The following SIPA1L3 variants were observed in gnomAD, a reference collection of about 807,000 sequenced individuals.
SIPA1L3 encodes signal-induced proliferation-associated 1-like protein 3.
SIPA1L3 carries 59 observed loss-of-function variants against 150.1 expected under a neutral mutation model. That is an observed-to-expected ratio of 0.39 (90% CI 0.32 to 0.49). The LOEUF is 0.49. Ranked by LOEUF, SIPA1L3 falls within the 20% of genes least tolerant of loss-of-function variation. The pLI, the probability that SIPA1L3 is intolerant of heterozygous loss-of-function variation, is 0.86. For missense variants in SIPA1L3, 2,211 were observed against 2,489.5 expected (o/e 0.89, Z 2.38); for synonymous variants, 1,070 against 1,077.6 (o/e 0.99, Z 0.14).
chr19:38,192,333 C>A, intron 17 of SIPA1L3, 23 bp downstream of exon 17: 1 of 1,562,000 alleles, frequency 6.4e-7, no homozygotes, highest in African/African-American at 1.4e-5. Flanking sequence ...CTGTCCCCCG[C>A]TCCCGACCCC....
chr19:38,091,494 A>G (rs1970256831), intron 4 of SIPA1L3, among the ~76,000 whole-genome samples: 2 of 152,186 alleles, frequency 1.3e-5, no homozygotes, highest in South Asian at 4.1e-4. Context: ...TACCTTTTAT[A>G]TCTATTAACT....
chr19:38,110,470 C>A (rs1016681296), intron 8 of SIPA1L3, 86 bp downstream of exon 8: 28 of 1,107,602 alleles, frequency 2.5e-5, no homozygotes, highest in South Asian at 4.3e-5. Context: ...AGGGCCCCCC[C>A]ACACCTCACG....
chr19:37,943,367 C>T (rs1171643107), intron 1 of SIPA1L3, among the ~76,000 whole-genome samples: 1 of 152,168 alleles, frequency 6.6e-6, no homozygotes, highest in Admixed American at 6.5e-5. Context: ...TCTTCTCCCT[C>T]ACTCCAACTA....
intron 1 of SIPA1L3, among the ~76,000 whole-genome samples, chr19:37,998,777 C>T (rs1967705052): frequency 6.6e-6 from 1 of 151,864 alleles, no homozygotes; most frequent in Non-Finnish European, 1.5e-5. Flanking sequence ...CAGAGTGAGA[C>T]CCTGTCCAAA....
chr19:37,996,029 C>A (rs1360632273), intron 1 of SIPA1L3, among the ~76,000 whole-genome samples: 1 of 152,174 alleles, frequency 6.6e-6, no homozygotes, highest in East Asian at 1.9e-4. Context: ...GTCTTCCCAC[C>A]TCAGCCTCCA....
At chr19:37,968,172 A>G (rs1209003629) in intron 1 of SIPA1L3, among the ~76,000 whole-genome samples, 2 of 151,760 alleles carry the variant, frequency 1.3e-5, no homozygotes, top group African/African-American at 2.4e-5. Flanking sequence ...TCCCGGGTTC[A>G]AGCGATTCTC....
At chr19:37,916,526 A>T (rs2046416488) in intron 1 of SIPA1L3, among the ~76,000 whole-genome samples, 1 of 150,184 alleles carries the variant, frequency 6.7e-6, no homozygotes, top group South Asian at 2.1e-4. Flanking sequence ...GACTGAAAGT[A>T]TGGAGAGCAT....
chr19:38,057,362 G>A (rs986452861), intron 2 of SIPA1L3, among the ~76,000 whole-genome samples: 1 of 150,842 alleles, frequency 6.6e-6, no homozygotes, highest in Non-Finnish European at 1.5e-5. Context: ...GTATATATAT[G>A]TATATATATG....
intron 1 of SIPA1L3, among the ~76,000 whole-genome samples, chr19:37,965,790 G>A (rs2046899119): frequency 6.7e-6 from 1 of 149,470 alleles, no homozygotes; most frequent in African/African-American, 2.5e-5. Flanking sequence ...TCATCAAATG[G>A]TGTTGGGTGA....
At chr19:37,984,735 C>T (rs833912) in intron 1 of SIPA1L3, among the ~76,000 whole-genome samples, 100,621 of 152,136 alleles carry the variant, frequency 0.66, 34,773 homozygotes, top group African/African-American at 0.84. Flanking sequence ...GTGTCATAAA[C>T]GTTAATGACA....
intron 12 of SIPA1L3, among the ~76,000 whole-genome samples, chr19:38,144,751 C>G (rs574337874): frequency 6.6e-6 from 1 of 152,264 alleles, no homozygotes; most frequent in Non-Finnish European, 1.5e-5. Context: ...TGTAGTCAGC[C>G]CTTGCTGACT....
intron 8 of SIPA1L3, among the ~76,000 whole-genome samples, chr19:38,116,238 A>G (rs1385755152): frequency 2.6e-5 from 4 of 152,098 alleles, no homozygotes; most frequent in South Asian, 4.1e-4. Flanking sequence ...GACCGGGTGC[A>G]GTGGCTCACA....
At chr19:38,189,370 ATCC>A (rs1260727019) in intron 16 of SIPA1L3, among the ~76,000 whole-genome samples, 11 of 151,998 alleles carry the variant, frequency 7.2e-5, no homozygotes, top group Non-Finnish European at 1.3e-4. Flanking sequence ...GGCTCAAGTG[ATCC>A]TCCCACTTAC....
At chr19:38,066,282 G>T (rs139375875) in intron 2 of SIPA1L3, among the ~76,000 whole-genome samples, 1 of 152,164 alleles carries the variant, frequency 6.6e-6, no homozygotes, top group East Asian at 1.9e-4. Flanking sequence ...CCTCCCAAAG[G>T]GTTGAAATTG....
chr19:38,015,981 C>T (rs1202337838), intron 1 of SIPA1L3, among the ~76,000 whole-genome samples: 1 of 152,160 alleles, frequency 6.6e-6, no homozygotes, highest in Non-Finnish European at 1.5e-5. Context: ...CACAGGGGAT[C>T]AGGAATACTG....
At chr19:38,015,892 G>A (rs1353231235) in intron 1 of SIPA1L3, among the ~76,000 whole-genome samples, 2 of 152,080 alleles carry the variant, frequency 1.3e-5, no homozygotes, top group African/African-American at 4.8e-5. Flanking sequence ...TTGTAGTTGT[G>A]ATAATATGCT....
chr19:38,133,290 C>T (rs145354655), intron 10 of SIPA1L3, among the ~76,000 whole-genome samples: 1 of 152,366 alleles, frequency 6.6e-6, no homozygotes, highest in Admixed American at 6.5e-5. Context: ...CTGCTAGGCC[C>T]TGCCTAGATC....
intron 1 of SIPA1L3, among the ~76,000 whole-genome samples, chr19:37,989,930 G>A (rs1307833772): frequency 6.6e-6 from 1 of 152,132 alleles, no homozygotes; most frequent in Non-Finnish European, 1.5e-5. Flanking sequence ...TCGGGGTGCT[G>A]GGGCCTGGCT....
chr19:38,127,180 G>A (rs373933094), intron 9 of SIPA1L3, among the ~76,000 whole-genome samples: 4 of 151,700 alleles, frequency 2.6e-5, no homozygotes, highest in East Asian at 2.0e-4. Context: ...CAACAAGAGC[G>A]AAACTCCGTC....
Sources: allele counts gnomAD v4.1 joint callset (sites outside exome capture counted in the v4.1 genomes callset), GRCh38; gene constraint gnomAD v4.1.1; transcripts MANE v1.5; gene names NCBI Gene and HGNC (gene_info 2026-07-23, HGNC 2026-07-21).